MAN1C1: variants seen among roughly 807,000 people sequenced by gnomAD.
The protein encoded by MAN1C1 is mannosidase alpha class 1C member 1.
Under a neutral mutation model 71.5 loss-of-function variants are expected in MAN1C1, and 49 were observed. The ratio of observed to expected loss-of-function variants is 0.69; its 90% CI spans 0.54 to 0.87. The LOEUF (loss-of-function observed/expected upper bound fraction) is 0.87. Ranked by LOEUF, MAN1C1 falls within the 40% of genes least tolerant of loss-of-function variation. MAN1C1 has a pLI of 0.00. For missense variants in MAN1C1, 743 were observed against 835.0 expected (o/e 0.89, Z 1.36); for synonymous variants, 352 against 343.7 (o/e 1.02, Z -0.27).
intron 1 of MAN1C1, among the ~76,000 whole-genome samples, chr1:25,637,100 A>G (rs1443344695): frequency 6.6e-6 from 1 of 152,132 alleles, no homozygotes; most frequent in African/African-American, 2.4e-5. Flanking sequence ...GGTTGCAGTG[A>G]GCTGAGATCG....
intron 6 of MAN1C1, 100 bp downstream of exon 6, chr1:25,758,809 C>T: frequency 9.3e-7 from 1 of 1,074,254 alleles, no homozygotes; most frequent in Admixed American, 1.7e-5. Context: ...CATGGATCAG[C>T]AGGAGGGCAG....
chr1:25,647,955 A>G (rs895901428), intron 1 of MAN1C1, among the ~76,000 whole-genome samples: 9 of 152,098 alleles, frequency 5.9e-5, no homozygotes, highest in Non-Finnish European at 1.0e-4. Context: ...CTGCAGGGCT[A>G]TCCTCCCACC....
intron 1 of MAN1C1, among the ~76,000 whole-genome samples, chr1:25,623,819 T>C (rs1158752594): frequency 6.6e-6 from 1 of 152,134 alleles, no homozygotes; most frequent in Non-Finnish European, 1.5e-5. Flanking sequence ...CTGCGTTGCT[T>C]TCAGTGGCAA....
At chr1:25,694,999 G>T (rs540305243) in intron 2 of MAN1C1, among the ~76,000 whole-genome samples, 1 of 152,080 alleles carries the variant, frequency 6.6e-6, no homozygotes, top group Admixed American at 6.5e-5. Context: ...TTTCTTCCCT[G>T]CAGGTATACA....
intron 1 of MAN1C1, among the ~76,000 whole-genome samples, chr1:25,669,212 G>A (rs1457416501): frequency 2.6e-5 from 4 of 152,182 alleles, no homozygotes; most frequent in African/African-American, 9.7e-5. Context: ...GGAAGTCCCA[G>A]ATCTGGAGGC....
chr1:25,703,174 C>G (rs1322812910), intron 2 of MAN1C1, among the ~76,000 whole-genome samples: 1 of 152,210 alleles, frequency 6.6e-6, no homozygotes, highest in Non-Finnish European at 1.5e-5. Flanking sequence ...TGGTCCCCTT[C>G]CCTCACTCCC....
chr1:25,638,342 G>C (rs2124758453), intron 1 of MAN1C1, among the ~76,000 whole-genome samples: 1 of 152,198 alleles, frequency 6.6e-6, no homozygotes, highest in Non-Finnish European at 1.5e-5. Context: ...TTCTGTTGCT[G>C]TCATGTGTTT....
At chr1:25,629,217 G>A (rs1357359679) in intron 1 of MAN1C1, among the ~76,000 whole-genome samples, 3 of 152,140 alleles carry the variant, frequency 2.0e-5, no homozygotes, top group Non-Finnish European at 4.4e-5. Context: ...TACCAGCAGT[G>A]TATGAGTGTT....
intron 2 of MAN1C1, among the ~76,000 whole-genome samples, chr1:25,729,657 G>A (rs554948289): frequency 6.8e-4 from 103 of 151,918 alleles, no homozygotes; most frequent in African/African-American, 2.0e-3. Flanking sequence ...GACTACAGGC[G>A]CCCACCACCA....
chr1:25,746,579 T>G lies in MAN1C1; in HGVS notation c.638-89T>G. The G allele has an allele frequency of 9.7e-7, 1 of 1,028,702 alleles. No homozygotes were observed. Among genetic ancestry groups the G allele is most frequent in the Non-Finnish European group, 1.5e-6 (1 of 668,698 alleles). The allele number at this position is 1,028,702 out of a possible 1,614,324, so 63.7% of individuals were successfully genotyped here. A position where few individuals can be genotyped will look rare whatever the true frequency, so the allele number is the denominator to read the frequency against. ...CTTTGCCACCAAGCCTGCGCTGGCA[T>G]TGGAGGGGCCCTGAGAACGGTGGCT... is the stretch of plus-strand genomic sequence containing the variant. On this transcript the variant is annotated intron_variant, in intron 2 of 11. Transcript: ENST00000374332. The surrounding 1 kb of genome is among the most constrained non-coding windows in gnomAD (Gnocchi z 4.0).
rs571783159 is a variant in MAN1C1 at position 25,721,021 on chromosome 1, A to G, written c.638-25647A>G. Among the ~76,000 whole-genome samples the G allele has an allele frequency of 2.6e-5, 4 of 152,294 alleles. No individual in the cohort carries two copies. The South Asian group carries it at 6.2e-4, about 24-fold the overall frequency. On this transcript the variant is annotated intron_variant, in intron 2 of 11. Transcript: ENST00000374332. ...TCTGGACTCTCGATTTCATTGATCT[A>G]TGTCTATTTTTATGCCAGTATCACA...
chr1:25,633,180 T>G (rs1002707963), intron 1 of MAN1C1, among the ~76,000 whole-genome samples: 2 of 152,226 alleles, frequency 1.3e-5, no homozygotes, highest in African/African-American at 2.4e-5. Flanking sequence ...TTCGATATTT[T>G]AAAAATGTAT....
intron 2 of MAN1C1, among the ~76,000 whole-genome samples, chr1:25,745,211 G>T (rs1191835733): frequency 6.6e-6 from 1 of 152,222 alleles, no homozygotes; most frequent in Non-Finnish European, 1.5e-5. Flanking sequence ...TTTACTCCCA[G>T]GACAGGTGCC....
intron 1 of MAN1C1, among the ~76,000 whole-genome samples, chr1:25,656,093 G>GTATTTTTTTTT: frequency 1.3e-5 from 1 of 79,896 alleles, no homozygotes; most frequent in African/African-American, 1.1e-4. Flanking sequence ...GGGATTATCA[G>GTATTTTTTTTT]TCTTTTTTTT....
chr1:25,736,414 T>C (rs749700914), intron 2 of MAN1C1, among the ~76,000 whole-genome samples: 1 of 152,208 alleles, frequency 6.6e-6, no homozygotes, highest in Non-Finnish European at 1.5e-5. Context: ...CATATTCTCC[T>C]GTAGTGAGTG....
chr1:25,769,880 T>C lies in MAN1C1; in HGVS notation c.1142-1777T>C, dbSNP rs2047523788. 6.6e-6 allele frequency among the ~76,000 whole-genome samples: 1 copy of C among 152,090 alleles called. No homozygotes were observed. Among genetic ancestry groups the C allele is most frequent in the African/African-American group, 2.4e-5 (1 of 41,404 alleles). ...GCCGCCGAGGGCTTCAGATGGTGCC[T>C]GGCCTTGTTTCACTTAATCCCCGTG... On this transcript the variant is annotated intron_variant, in intron 7 of 11. Transcript: ENST00000374332. The surrounding 1 kb of genome is among the most constrained non-coding windows in gnomAD (Gnocchi z 4.8).
chr1:25,758,974 T>A, intron 6 of MAN1C1: 2 of 442,944 alleles, frequency 4.5e-6, no homozygotes, highest in Non-Finnish European at 8.3e-6. Flanking sequence ...AGGTTCTCAC[T>A]GGTCTGCGTG....
chr1:25,675,687 G>C (rs1389111851), intron 1 of MAN1C1, among the ~76,000 whole-genome samples: 1 of 151,266 alleles, frequency 6.6e-6, no homozygotes, highest in East Asian at 1.9e-4. Flanking sequence ...CATAGTGGTT[G>C]TACTAACTTA....
intron 1 of MAN1C1, among the ~76,000 whole-genome samples, chr1:25,676,171 G>C (rs2046065193): frequency 6.6e-6 from 1 of 152,214 alleles, no homozygotes; most frequent in Non-Finnish European, 1.5e-5. Flanking sequence ...TGCGATTCCT[G>C]AGACTGCTCA....
Sources: gnomAD v4.1 joint callset for allele counts (sites outside exome capture counted in the v4.1 genomes callset) on GRCh38, gnomAD v4.1.1 for gene constraint, Gnocchi (gnomAD v3.1) non-coding constraint, MANE v1.5 for transcripts, NCBI Gene and HGNC (gene_info 2026-07-23, HGNC 2026-07-21) for gene names.